The following TXNRD3 variants were observed in gnomAD, a reference collection of about 807,000 sequenced individuals.
TXNRD3 encodes the protein TXNRD3 neighbor gene protein.
In TXNRD3, 68 loss-of-function variants were observed where a neutral mutation model predicts 78.2. The ratio of observed to expected loss-of-function variants is 0.87; its 90% CI spans 0.72 to 1.06. TXNRD3 has a LOEUF of 1.06. Ranked by LOEUF, TXNRD3 falls within the 50% of genes least tolerant of loss-of-function variation. The probability of loss-of-function intolerance (pLI) is 0.00; values close to 1 mark genes in which losing one functional copy is unlikely to be tolerated. For synonymous variants in TXNRD3, 296 were observed against 300.1 expected (o/e 0.99, Z 0.14); for missense variants, 751 against 809.5 (o/e 0.93, Z 0.88).
intron 4 of TXNRD3, 22 bp downstream of exon 4, chr3:126,644,275 A>C (rs1446630223): frequency 2.0e-6 from 3 of 1,519,598 alleles, no homozygotes; most frequent in Admixed American, 2.0e-5. Flanking sequence ...ATTATCTACG[A>C]GTTTCATTTC....
intron 1 of TXNRD3, among the ~76,000 whole-genome samples, chr3:126,652,396 T>G (rs554567739): frequency 2.0e-5 from 3 of 152,252 alleles, no homozygotes; most frequent in Non-Finnish European, 4.4e-5. Flanking sequence ...GGGATTACAT[T>G]TCAGTATTTG....
Position 126,652,773 on chromosome 3 carries a change from C to T in TXNRD3, c.243+1975G>A, listed in dbSNP as rs56118861. On this transcript the variant is annotated intron_variant, in intron 1 of 15. Transcript: ENST00000524230. ...GAGCTGTCAAGATAGGCTCTGGCCA[C>T]TTGCAACCCTGAAATGGAGTAAGTG... is the stretch of plus-strand genomic sequence containing the variant. Among the ~76,000 whole-genome samples, 452 of 152,314 alleles carry T rather than the reference C, an allele frequency of 3.0e-3. 3 individuals carry two copies. Among genetic ancestry groups the T allele is most frequent in the African/African-American group, 0.01 (416 of 41,556 alleles).
At chr3:126,612,869 C>T (rs748699553) in intron 13 of TXNRD3, among the ~76,000 whole-genome samples, 2 of 152,186 alleles carry the variant, frequency 1.3e-5, no homozygotes, top group Non-Finnish European at 2.9e-5. Context: ...TAATGGATGG[C>T]CTGTGTTTTG....
At chr3:126,639,931 A>C (rs1250052931) in intron 6 of TXNRD3, among the ~76,000 whole-genome samples, 3 of 151,864 alleles carry the variant, frequency 2.0e-5, no homozygotes, top group South Asian at 2.1e-4. Flanking sequence ...AACTACCCCA[A>C]AATTACACTG....
chr3:126,634,817 A>G (rs1160088532), intron 6 of TXNRD3, among the ~76,000 whole-genome samples: 1 of 152,184 alleles, frequency 6.6e-6, no homozygotes, highest in Non-Finnish European at 1.5e-5. Context: ...CCTGAGGTCA[A>G]GGGTAACATC....
At chr3:126,635,135 C>A (rs755050206) in intron 6 of TXNRD3, among the ~76,000 whole-genome samples, 2 of 152,184 alleles carry the variant, frequency 1.3e-5, no homozygotes, top group Non-Finnish European at 2.9e-5. Flanking sequence ...TCCTCACATC[C>A]TAAAGATACT....
rs182374332 is a variant in TXNRD3, at chr3:126,647,706, T to C, written c.244-410A>G. 3.7e-3 allele frequency among the ~76,000 whole-genome samples: 569 copies of C among 152,250 alleles called. 3 individuals are homozygous for C. The highest frequency in any genetic ancestry group is 5.8e-3 in the Non-Finnish European group (392 of 68,024). ...CAAATTAGCCAGGCATGGTGGCACA[T>C]GCCTTGTAGTCCCAGGTACTCAGGA... On this transcript the variant is annotated intron_variant, in intron 1 of 15. Transcript: ENST00000524230.
At chr3:126,635,534 C>T (rs1520850) in intron 6 of TXNRD3, among the ~76,000 whole-genome samples, 89,231 of 151,908 alleles carry the variant, frequency 0.59, 26,785 homozygotes, top group Non-Finnish European at 0.65. Flanking sequence ...TATACTTTCT[C>T]AAAGGTTGCT....
At position 126,607,884 on chromosome 3, in the gene TXNRD3, G is replaced by C. The variant is rs911982973; in HGVS notation, c.*21C>G. 1.3e-5 allele frequency: 19 copies of C among 1,494,486 alleles called. No homozygotes were observed. The highest frequency in any genetic ancestry group is 1.7e-5 in the Non-Finnish European group (19 of 1,117,244). 92.6% of individuals were successfully genotyped at this position (1,494,486 alleles called of 1,614,324 possible). A position where few individuals can be genotyped will look rare whatever the true frequency, so the allele number is the denominator to read the frequency against. The stretch of plus-strand genomic sequence containing the variant: ...TTGAGAGAAATGAGAATATGACAAG[G>C]AGAACTAAACAGCAGCAGGCCTAGC... On this transcript the variant is annotated 3_prime_UTR_variant, in exon 16 of 16. Transcript: ENST00000524230.
intron 12 of TXNRD3, among the ~76,000 whole-genome samples, chr3:126,617,204 T>C (rs550667265): frequency 6.6e-6 from 1 of 152,328 alleles, no homozygotes; most frequent in Admixed American, 6.5e-5. Flanking sequence ...GCTATCCTTC[T>C]TATAGGCTTC....
chr3:126,621,760 A>T lies in TXNRD3; in HGVS notation c.1506T>A (p.Phe502Leu), dbSNP rs1173258218. ...AACTTACCTTTTCTAAAGAGGCCCC[A>T]AAAAGTCTCTGAGCTAGCAGCTTGC... The change falls in exon 12 of 16, where the codon TTT becomes TTA. Residue 502 changes from phenylalanine (F) to leucine (L), a missense_variant. Phe to Leu is a conservative substitution (Grantham distance 22, BLOSUM62 0). Coordinates refer to ENST00000524230, the MANE Select transcript of TXNRD3 (RefSeq NM_052883.3). The T allele has an allele frequency of 1.3e-6, 2 of 1,515,342 alleles. No homozygotes were observed. The highest frequency in any genetic ancestry group is 1.8e-6 in the Non-Finnish European group (2 of 1,141,124). The allele number at this position is 1,515,342 out of a possible 1,614,324, so 93.9% of individuals were successfully genotyped here.
Position 126,642,062 on chromosome 3 carries a change from T to G in TXNRD3, c.682A>C (p.Arg228=), listed in dbSNP as rs1248479548. Reference sequence around the variant, plus strand: ...TGATTATATTCCCAGCCAAATTTCCTTGAGTCACATAATGCCTGCCCCAAA... The same window carrying G: ...TGATTATATTCCCAGCCAAATTTCCGTGAGTCACATAATGCCTGCCCCAAA... Residue 228 remains arginine, a synonymous_variant, in exon 6 of 16, where the codon AGG becomes CGG. Coordinates refer to ENST00000524230, the MANE Select transcript of TXNRD3 (RefSeq NM_052883.3). The G allele has an allele frequency of 5.2e-6, 8 of 1,536,036 alleles. No individual in the cohort carries two copies. Among genetic ancestry groups the G allele is most frequent in the Non-Finnish European group, 7.0e-6 (8 of 1,146,848 alleles).
Position 126,607,344 on chromosome 3 carries a change from A to G in TXNRD3, c.*561T>C, listed in dbSNP as rs1387127359. The stretch of plus-strand genomic sequence containing the variant: ...CAGTAGGTTAAATGTGCCTCAAAAA[A>G]GAAAAGAGATGACTAACCCTACACA... On this transcript the variant is annotated 3_prime_UTR_variant, in exon 16 of 16. Coordinates refer to ENST00000524230, the MANE Select transcript of TXNRD3 (RefSeq NM_052883.3). 6.6e-6 allele frequency: 1 copy of G among 152,338 alleles called. No individual in the cohort carries two copies. Among genetic ancestry groups the G allele is most frequent in the Non-Finnish European group, 1.5e-5 (1 of 68,046 alleles). 9.4% of individuals were successfully genotyped at this position (152,338 alleles called of 1,614,324 possible).
intron 14 of TXNRD3, chr3:126,609,105 T>A (rs1279449247): frequency 1.2e-5 from 5 of 421,222 alleles, no homozygotes; most frequent in African/African-American, 1.0e-4. Flanking sequence ...GGCTGTGTGC[T>A]GAGAGGTATG....
At chr3:126,615,159 T>C (rs1468586446) in intron 13 of TXNRD3, among the ~76,000 whole-genome samples, 196 bp downstream of exon 13, 3 of 152,218 alleles carry the variant, frequency 2.0e-5, no homozygotes, top group Non-Finnish European at 4.4e-5. Flanking sequence ...CACTTCCCTC[T>C]TTCCCAACCA....
At chr3:126,635,217 A>C (rs1175470283) in intron 6 of TXNRD3, among the ~76,000 whole-genome samples, 1 of 152,206 alleles carries the variant, frequency 6.6e-6, no homozygotes, top group Non-Finnish European at 1.5e-5. Flanking sequence ...TGTCAGCTCA[A>C]CTAACAGTTC....
chr3:126,631,946 A>G, intron 7 of TXNRD3, 67 bp from the exon 8 acceptor site: 1 of 1,005,422 alleles, frequency 9.9e-7, no homozygotes, highest in Non-Finnish European at 1.5e-6. Flanking sequence ...TGGACAAAAT[A>G]GTTACTACCC....
At chr3:126,644,124 T>C in intron 4 of TXNRD3, 71 bp from the exon 5 acceptor site, 1 of 1,484,520 alleles carries the variant, frequency 6.7e-7, no homozygotes, top group Non-Finnish European at 9.1e-7. Flanking sequence ...TCAATCTTTG[T>C]CTTCCGTAAA....
At chr3:126,613,504 A>G (rs890606529) in intron 13 of TXNRD3, among the ~76,000 whole-genome samples, 1 of 152,234 alleles carries the variant, frequency 6.6e-6, no homozygotes, top group African/African-American at 2.4e-5. Context: ...GACAAACATT[A>G]ACTCAAAATG....
Sources: gnomAD v4.1 joint callset for allele counts (sites outside exome capture counted in the v4.1 genomes callset) on GRCh38, gnomAD v4.1.1 for gene constraint, MANE v1.5 for transcripts, NCBI Gene and HGNC (gene_info 2026-07-23, HGNC 2026-07-21) for gene names.